ERBB4: variants seen among roughly 807,000 people sequenced by gnomAD.
ERBB4 encodes the protein receptor tyrosine-protein kinase erbB-4.
ERBB4 carries 42 observed loss-of-function variants against 158.0 expected under a neutral mutation model. The ratio of observed to expected loss-of-function variants is 0.27; its 90% confidence interval spans 0.21 to 0.34. ERBB4 has a LOEUF of 0.34. Ranked by LOEUF, ERBB4 falls within the 10% of genes least tolerant of loss-of-function variation. ERBB4 has a pLI of 1.00. For synonymous variants in ERBB4, 583 were observed against 558.7 expected (o/e 1.04, Z -0.61); for missense variants, 1,333 against 1,624.1 (o/e 0.82, Z 3.08).
At chr2:211,910,436 G>T (rs2079513060) in intron 3 of ERBB4, among the ~76,000 whole-genome samples, 1 of 149,472 alleles carries the variant, frequency 6.7e-6, no homozygotes, top group African/African-American at 2.5e-5. Flanking sequence ...TCCACCAAAG[G>T]AGCTGGAGGC....
rs59943963 is a variant in ERBB4 at position 212,084,574 on chromosome 2, T to C, written c.234+40178A>G. On this transcript the variant is annotated intron_variant, in intron 2 of 27. Coordinates refer to ENST00000342788, the MANE Select transcript of ERBB4 (RefSeq NM_005235.3). ...TAAAGAACCAACTCTTGATTACCCA[T>C]GGGGAAAGACATTAAAAGTTACAAG... Among the ~76,000 whole-genome samples, 480 of 152,078 alleles carry C rather than the reference T, an allele frequency of 3.2e-3. 2 individuals carry two copies. Among genetic ancestry groups the C allele is most frequent in the African/African-American group, 0.011 (460 of 41,548 alleles).
intron 1 of ERBB4, among the ~76,000 whole-genome samples, chr2:212,492,883 G>C (rs1178336060): frequency 6.6e-6 from 1 of 151,488 alleles, no homozygotes; most frequent in Non-Finnish European, 1.5e-5. Flanking sequence ...TACAGTAAAA[G>C]TAGAGGTAAT....
intron 2 of ERBB4, among the ~76,000 whole-genome samples, chr2:212,007,373 C>A (rs988723162): frequency 3.3e-5 from 5 of 151,672 alleles, no homozygotes; most frequent in African/African-American, 1.2e-4. Context: ...AATTTTTACT[C>A]TATTGTTCAT....
intron 3 of ERBB4, among the ~76,000 whole-genome samples, chr2:211,933,166 A>T (rs2125103297): frequency 6.6e-6 from 1 of 152,202 alleles, no homozygotes; most frequent in East Asian, 1.9e-4. Flanking sequence ...ATAGGACTGC[A>T]TTTGAAGCAT....
chr2:211,883,711 G>A (rs1016986902), intron 3 of ERBB4, among the ~76,000 whole-genome samples: 1 of 152,158 alleles, frequency 6.6e-6, no homozygotes, highest in African/African-American at 2.4e-5. Context: ...AGAATCGCTT[G>A]AACCCAGGAG....
intron 3 of ERBB4, among the ~76,000 whole-genome samples, chr2:211,942,538 C>A (rs149526186): frequency 1.3e-5 from 2 of 151,938 alleles, no homozygotes; most frequent in East Asian, 3.9e-4. Flanking sequence ...TTTTCATCTA[C>A]CAGAATCCAG....
At chr2:212,003,322 T>TAAAA (rs71054161) in intron 2 of ERBB4, among the ~76,000 whole-genome samples, 2 of 130,252 alleles carry the variant, frequency 1.5e-5, no homozygotes, top group African/African-American at 2.8e-5. Context: ...AGCTGAATGG[T>TAAAA]AAAAAAAAAA....
intron 1 of ERBB4, among the ~76,000 whole-genome samples, chr2:212,423,891 G>A (rs2091851057): frequency 6.6e-6 from 1 of 151,984 alleles, no homozygotes; most frequent in South Asian, 2.1e-4. Context: ...GTGTGCCTAT[G>A]GCCCAGATTT....
At position 212,169,901 on chromosome 2, in the gene ERBB4, G is replaced by A. The variant is rs977140509; in HGVS notation, c.83-44998C>T. ...GGTTTCCTGAGGCCTCATCGGCCAT[G>A]TGGAGCTGTGAGTCAATTAAACCTC... On this transcript the variant is annotated intron_variant, in intron 1 of 27. Coordinates refer to ENST00000342788, the MANE Select transcript of ERBB4 (RefSeq NM_005235.3). Among the ~76,000 whole-genome samples the A allele has an allele frequency of 2.0e-5, 3 of 152,174 alleles. No homozygotes were observed. The South Asian group carries it at 6.2e-4, about 31-fold the overall frequency.
chr2:211,959,394 T>G (rs534348577), intron 2 of ERBB4, among the ~76,000 whole-genome samples: 1 of 152,230 alleles, frequency 6.6e-6, no homozygotes, highest in African/African-American at 2.4e-5. Flanking sequence ...TCTTTAAGAG[T>G]AAACCATTTG....
chr2:211,794,623 A>G (rs1575158077), intron 3 of ERBB4, among the ~76,000 whole-genome samples: 1 of 152,090 alleles, frequency 6.6e-6, no homozygotes, highest in East Asian at 1.9e-4. Flanking sequence ...TGTAAATCCC[A>G]TAAAATATTG....
intron 20 of ERBB4, among the ~76,000 whole-genome samples, chr2:211,540,876 T>C (rs1182268476): frequency 1.3e-5 from 2 of 152,104 alleles, no homozygotes; most frequent in African/African-American, 2.4e-5. Flanking sequence ...AATTTTACCA[T>C]AGGCTAATTG....
chr2:212,291,835 C>T (rs1484573714), intron 1 of ERBB4, among the ~76,000 whole-genome samples: 1 of 151,942 alleles, frequency 6.6e-6, no homozygotes, highest in Non-Finnish European at 1.5e-5. Flanking sequence ...TTAAATGTTG[C>T]AGGATGTATA....
At chr2:211,624,206 C>CATTT (rs1235278045) in intron 17 of ERBB4, among the ~76,000 whole-genome samples, 162 bp from the exon 18 acceptor site, 1 of 152,122 alleles carries the variant, frequency 6.6e-6, no homozygotes. Flanking sequence ...CACCACTCAC[C>CATTT]ATTCACTGAC....
intron 3 of ERBB4, among the ~76,000 whole-genome samples, chr2:211,848,908 C>A (rs1463191735): frequency 6.6e-6 from 1 of 152,068 alleles, no homozygotes; most frequent in Non-Finnish European, 1.5e-5. Flanking sequence ...ACTCCTTATT[C>A]TTCATGGTAC....
chr2:211,977,783 C>A (rs769644591), intron 2 of ERBB4, among the ~76,000 whole-genome samples: 1 of 142,352 alleles, frequency 7.0e-6, no homozygotes, highest in Non-Finnish European at 1.5e-5. Context: ...ACCTGGGAGG[C>A]GGAGGTTGCA....
At position 212,186,839 on chromosome 2, in the gene ERBB4, A is replaced by G. The variant is rs978885882; in HGVS notation, c.83-61936T>C. 2.6e-5 allele frequency among the ~76,000 whole-genome samples: 4 copies of G among 152,136 alleles called. 1 individual carries two copies. The highest frequency in any genetic ancestry group is 2.9e-5 in the Non-Finnish European group (2 of 68,018). ...GATAAAATACGTCAACATGTTTGCT[A>G]TTTTCTCTATATTATAGCAGTTATT... is the stretch of plus-strand genomic sequence containing the variant. On this transcript the variant is annotated intron_variant, in intron 1 of 27. Coordinates refer to ENST00000342788, the MANE Select transcript of ERBB4 (RefSeq NM_005235.3).
intron 2 of ERBB4, among the ~76,000 whole-genome samples, chr2:212,019,777 G>GAAAAAAAAAAAAAAAAAAAAA (rs2076607997): frequency 8.5e-6 from 1 of 117,250 alleles, no homozygotes; most frequent in Non-Finnish European, 1.8e-5. Flanking sequence ...AAAAAAAAAA[G>GAAAAAAAAAAAAAAAAAAAAA]GAAAGAAAGA....
At chr2:212,335,482 C>T (rs960040021) in intron 1 of ERBB4, among the ~76,000 whole-genome samples, 1 of 151,770 alleles carries the variant, frequency 6.6e-6, no homozygotes, top group African/African-American at 2.4e-5. Flanking sequence ...TATGTCAAGT[C>T]ATTCAGGAAG....
Sources: allele counts gnomAD v4.1 joint callset (sites outside exome capture counted in the v4.1 genomes callset), GRCh38; gene constraint gnomAD v4.1.1; transcripts MANE v1.5; gene names NCBI Gene and HGNC (gene_info 2026-07-23, HGNC 2026-07-21).